The following CLSTN2 variants were observed in gnomAD, a reference collection of about 807,000 sequenced individuals.
CLSTN2 encodes calsyntenin 2.
CLSTN2 carries 48 observed loss-of-function variants against 101.2 expected under a neutral mutation model. The ratio of observed to expected loss-of-function variants is 0.47; its 90% CI spans 0.38 to 0.60. The LOEUF (loss-of-function observed/expected upper bound fraction) is 0.60, where lower values mean the gene tolerates loss of function less well. CLSTN2 is among the 20% of genes least tolerant of loss of function. CLSTN2 has a pLI of 0.00. For missense variants in CLSTN2, 1,160 were observed against 1,238.2 expected, an observed-to-expected ratio of 0.94 and a Z score of 0.95; for synonymous variants, 481 against 463.6, an observed-to-expected ratio of 1.04 and a Z score of -0.48.
At chr3:140,306,848 T>TTTTTTTTTATTATTA (rs767586358) in intron 2 of CLSTN2, among the ~76,000 whole-genome samples, 6 of 141,968 alleles carry the variant, frequency 4.2e-5, no homozygotes, top group African/African-American at 1.3e-4. Context: ...TTTTTGTCTT[T>TTTTTTTTTATTATTA]TTATTATTAT....
At chr3:140,376,220 G>A (rs1369069499) in intron 2 of CLSTN2, among the ~76,000 whole-genome samples, 1 of 152,024 alleles carries the variant, frequency 6.6e-6, no homozygotes, top group Non-Finnish European at 1.5e-5. Flanking sequence ...AATTCCAAAT[G>A]CAAAAAAGAA....
At chr3:140,013,575 A>G (rs2007134042) in intron 1 of CLSTN2, among the ~76,000 whole-genome samples, 1 of 152,176 alleles carries the variant, frequency 6.6e-6, no homozygotes, top group Non-Finnish European at 1.5e-5. Context: ...CAAATATATA[A>G]ACTGCATATA....
intron 1 of CLSTN2, among the ~76,000 whole-genome samples, chr3:140,133,222 C>G (rs533524689): frequency 1.3e-5 from 2 of 152,186 alleles, no homozygotes; most frequent in South Asian, 2.1e-4. Flanking sequence ...TGTAAACTAA[C>G]AGAGCTAGAA....
chr3:140,241,856 C>CATATATATAT, intron 2 of CLSTN2, among the ~76,000 whole-genome samples: 1 of 138,928 alleles, frequency 7.2e-6, no homozygotes, highest in African/African-American at 2.9e-5. Context: ...TATATATATA[C>CATATATATAT]ACATATATAT....
At chr3:140,411,404 C>T (rs914792642) in intron 4 of CLSTN2, among the ~76,000 whole-genome samples, 20 of 152,322 alleles carry the variant, frequency 1.3e-4, no homozygotes, top group South Asian at 2.1e-4. Flanking sequence ...ATGTACCCAA[C>T]GCTAGAGCGT....
intron 2 of CLSTN2, among the ~76,000 whole-genome samples, chr3:140,346,913 G>A (rs1349529429): frequency 6.6e-6 from 1 of 152,144 alleles, no homozygotes; most frequent in Non-Finnish European, 1.5e-5. Context: ...TAAACTAGTA[G>A]CACAGATTTC....
chr3:140,499,454 G>A (rs1032545884), intron 8 of CLSTN2, among the ~76,000 whole-genome samples: 14 of 152,234 alleles, frequency 9.2e-5, no homozygotes, highest in Non-Finnish European at 1.8e-4. Flanking sequence ...CCAAGGACAT[G>A]GGAGGATGCC....
At chr3:139,939,991 A>G (rs1935098416) in intron 1 of CLSTN2, among the ~76,000 whole-genome samples, 1 of 152,024 alleles carries the variant, frequency 6.6e-6, no homozygotes, top group Non-Finnish European at 1.5e-5. Context: ...TTTCACTGTT[A>G]CTCAAGATTT....
At chr3:140,096,792 A>G (rs181613082) in intron 1 of CLSTN2, among the ~76,000 whole-genome samples, 146 of 152,326 alleles carry the variant, frequency 9.6e-4, no homozygotes, top group Middle Eastern at 6.8e-3. Flanking sequence ...TTCGTCTGGA[A>G]TAGGAGGCTG....
intron 8 of CLSTN2, among the ~76,000 whole-genome samples, chr3:140,474,036 A>T (rs112317245): frequency 0.093 from 14,200 of 152,110 alleles, 738 homozygotes; most frequent in East Asian, 0.12. Flanking sequence ...GGCCTCCCAA[A>T]GTGCTGGGAT....
chr3:140,448,737 A>T (rs1212855441), intron 6 of CLSTN2, 33 bp downstream of exon 6: 1 of 1,571,140 alleles, frequency 6.4e-7, no homozygotes, highest in African/African-American at 1.4e-5. Flanking sequence ...TTTAAAAATC[A>T]ATTGCTTTTA....
At chr3:140,115,944 G>T (rs1401741215) in intron 1 of CLSTN2, among the ~76,000 whole-genome samples, 2 of 152,170 alleles carry the variant, frequency 1.3e-5, no homozygotes, top group Non-Finnish European at 2.9e-5. Flanking sequence ...TGAGAATGTA[G>T]ACACTTGTTT....
At chr3:140,276,193 G>T (rs2086793152) in intron 2 of CLSTN2, among the ~76,000 whole-genome samples, 1 of 152,192 alleles carries the variant, frequency 6.6e-6, no homozygotes, top group Admixed American at 6.5e-5. Context: ...GATGTGAAAG[G>T]TAGAGGCTGT....
intron 1 of CLSTN2, among the ~76,000 whole-genome samples, chr3:140,055,364 G>C (rs1197504974): frequency 6.6e-6 from 1 of 152,208 alleles, no homozygotes; most frequent in Non-Finnish European, 1.5e-5. Flanking sequence ...CCAGATTGCA[G>C]CATTTAAGCA....
At chr3:140,099,529 C>A (rs1395473215) in intron 1 of CLSTN2, among the ~76,000 whole-genome samples, 1 of 152,102 alleles carries the variant, frequency 6.6e-6, no homozygotes, top group Non-Finnish European at 1.5e-5. Context: ...TGCAGAGACC[C>A]TTTTCCCAAA....
intron 2 of CLSTN2, among the ~76,000 whole-genome samples, chr3:140,194,735 T>C (rs528538889): frequency 2.0e-5 from 3 of 152,326 alleles, no homozygotes; most frequent in South Asian, 4.1e-4. Context: ...TTGGGCTTCA[T>C]TGACACCTAA....
At chr3:140,471,551 T>A (rs987404514) in intron 8 of CLSTN2, among the ~76,000 whole-genome samples, 1 of 152,118 alleles carries the variant, frequency 6.6e-6, no homozygotes, top group African/African-American at 2.4e-5. Flanking sequence ...GCATCAGGGA[T>A]CAAGAGAAGA....
At chr3:140,115,056 G>A (rs898424794) in intron 1 of CLSTN2, among the ~76,000 whole-genome samples, 1 of 152,136 alleles carries the variant, frequency 6.6e-6, no homozygotes, top group African/African-American at 2.4e-5. Context: ...ACACTTTCTT[G>A]TTTCTAGGTG....
At chr3:140,140,101 G>A (rs915547387) in intron 1 of CLSTN2, among the ~76,000 whole-genome samples, 1 of 152,186 alleles carries the variant, frequency 6.6e-6, no homozygotes, top group Non-Finnish European at 1.5e-5. Flanking sequence ...AGGAAAGGCA[G>A]ATAATGTGCA....
Sources: allele counts gnomAD v4.1 joint callset (sites outside exome capture counted in the v4.1 genomes callset), GRCh38; gene constraint gnomAD v4.1.1; transcripts MANE v1.5; gene names NCBI Gene and HGNC (gene_info 2026-07-23, HGNC 2026-07-21).